R3HDM1: variants seen among roughly 807,000 people sequenced by gnomAD.
R3HDM1 encodes the protein R3H domain containing 1.
Under a neutral mutation model 141.1 loss-of-function variants are expected in R3HDM1, and 46 were observed. The observed-to-expected ratio is 0.33, with a 90% CI of 0.26 to 0.42. The LOEUF is 0.42. Among genes scored for constraint, R3HDM1 ranks in the 10% least tolerant of loss-of-function variants. The probability of loss-of-function intolerance (pLI) is 1.00; values close to 1 mark genes in which losing one functional copy is unlikely to be tolerated. For missense variants in R3HDM1, 1,184 were observed against 1,368.3 expected, an observed-to-expected ratio of 0.87 and a Z score of 2.12; for synonymous variants, 435 against 472.9, an observed-to-expected ratio of 0.92 and a Z score of 1.04.
intron 1 of R3HDM1, chr2:135,561,282 T>C (rs1476239208): frequency 1.0e-6 from 1 of 984,780 alleles, no homozygotes; most frequent in African/African-American, 1.7e-5. Flanking sequence ...CCTGATTACA[T>C]TTTATCTGTT....
intron 16 of R3HDM1, among the ~76,000 whole-genome samples, chr2:135,646,690 A>G (rs2064469927): frequency 6.6e-6 from 1 of 151,590 alleles, no homozygotes; most frequent in African/African-American, 2.4e-5. Flanking sequence ...CTCTACTAAA[A>G]ATACAAAAAT....
intron 19 of R3HDM1, among the ~76,000 whole-genome samples, chr2:135,665,899 C>T (rs546929563): frequency 6.6e-6 from 1 of 152,176 alleles, no homozygotes; most frequent in South Asian, 2.1e-4. Flanking sequence ...CGGTTCTTAC[C>T]AACGATATAA....
At chr2:135,619,808 A>C in intron 5 of R3HDM1, 1 of 745,004 alleles carries the variant, frequency 1.3e-6, no homozygotes, top group Non-Finnish European at 1.6e-6. Flanking sequence ...AGAGGCAATT[A>C]AGAGAGAGAT....
In R3HDM1 at chr2:135,696,902, C is replaced by T. The variant is rs75474723; in HGVS notation, c.2460-12531C>T. Among the ~76,000 whole-genome samples, 633 of 152,182 alleles carry T rather than the reference C, an allele frequency of 4.2e-3. 8 individuals carry two copies. Among genetic ancestry groups the T allele is most frequent in the African/African-American group, 0.014 (598 of 41,520 alleles). ...TAAGAATTTGTGAGGTTAAGATAGGCCACAGGGCATTTAATGGAGGAATAA... is the reference window on the plus strand; with the variant it reads ...TAAGAATTTGTGAGGTTAAGATAGGTCACAGGGCATTTAATGGAGGAATAA... On this transcript the variant is annotated intron_variant, in intron 21 of 26. Transcript: ENST00000683871.
chr2:135,686,287 A>T (rs2071331456), intron 21 of R3HDM1, among the ~76,000 whole-genome samples: 1 of 152,248 alleles, frequency 6.6e-6, no homozygotes, highest in African/African-American at 2.4e-5. Flanking sequence ...ATAAAAATAG[A>T]ACTATCATTT....
intron 1 of R3HDM1, among the ~76,000 whole-genome samples, chr2:135,595,782 GGAGATT>G (rs1280295080): frequency 1.3e-5 from 2 of 152,128 alleles, no homozygotes; most frequent in African/African-American, 4.8e-5. Context: ...TATCCAGTCT[GGAGATT>G]GAGTGAATGG....
chr2:135,560,220 G>A (rs866729949), intron 1 of R3HDM1, among the ~76,000 whole-genome samples: 1 of 152,148 alleles, frequency 6.6e-6, no homozygotes, highest in African/African-American at 2.4e-5. Flanking sequence ...AAAATTGAAG[G>A]CTGTGTAAAC....
At chr2:135,624,897 G>T (rs1239527496) in intron 7 of R3HDM1, among the ~76,000 whole-genome samples, 2 of 152,210 alleles carry the variant, frequency 1.3e-5, no homozygotes. Context: ...AGGCAATGGG[G>T]ACAGTAGAGT....
At chr2:135,570,890 A>G (rs1446224923) in intron 1 of R3HDM1, among the ~76,000 whole-genome samples, 1 of 152,232 alleles carries the variant, frequency 6.6e-6, no homozygotes, top group African/African-American at 2.4e-5. Flanking sequence ...GTGTCACAAA[A>G]GTATTTTCAA....
At chr2:135,680,389 C>A in intron 21 of R3HDM1, 65 bp downstream of exon 21, 2 of 1,565,478 alleles carry the variant, frequency 1.3e-6, no homozygotes, top group Non-Finnish European at 8.7e-7. Context: ...TGGTCTGTTG[C>A]TAGTTTTAAA....
At chr2:135,690,504 C>G in intron 21 of R3HDM1, among the ~76,000 whole-genome samples, 1 of 152,072 alleles carries the variant, frequency 6.6e-6, no homozygotes, top group East Asian at 1.9e-4. Flanking sequence ...TGTTTTTACA[C>G]CAATAAGAAT....
chr2:135,680,024 G>A (rs2069962734), intron 20 of R3HDM1, 149 bp from the exon 21 acceptor site: 6 of 764,502 alleles, frequency 7.8e-6, no homozygotes, highest in South Asian at 7.6e-5. Flanking sequence ...GGGTTGCAGT[G>A]AGCCAAGATT....
intron 6 of R3HDM1, chr2:135,622,044 C>A (rs989747166): frequency 1.0e-6 from 1 of 984,250 alleles, no homozygotes; most frequent in Non-Finnish European, 1.2e-6. Flanking sequence ...CCTAGCATTG[C>A]AGATCAATAG....
intron 1 of R3HDM1, among the ~76,000 whole-genome samples, chr2:135,587,456 C>A (rs532890466): frequency 6.6e-6 from 1 of 152,226 alleles, no homozygotes; most frequent in South Asian, 2.1e-4. Flanking sequence ...CACTAAATGG[C>A]CTTTTATCAA....
chr2:135,592,718 G>GT (rs924926280), intron 1 of R3HDM1, among the ~76,000 whole-genome samples: 34 of 146,960 alleles, frequency 2.3e-4, no homozygotes, highest in East Asian at 1.2e-3. Context: ...ACCAGTTTGG[G>GT]TTTTTTTTTT....
At chr2:135,557,945 C>A (rs1302273096) in intron 1 of R3HDM1, among the ~76,000 whole-genome samples, 1 of 152,156 alleles carries the variant, frequency 6.6e-6, no homozygotes, top group Non-Finnish European at 1.5e-5. Context: ...TCTTAGAATA[C>A]ATTAAAACTA....
intron 1 of R3HDM1, among the ~76,000 whole-genome samples, chr2:135,602,128 G>A (rs2059672941): frequency 6.6e-6 from 1 of 152,074 alleles, no homozygotes; most frequent in Admixed American, 6.5e-5. Context: ...CACAGCTCTA[G>A]AAGAGAACTC....
intron 21 of R3HDM1, among the ~76,000 whole-genome samples, chr2:135,694,838 T>C (rs1246150151): frequency 6.6e-6 from 1 of 152,134 alleles, no homozygotes; most frequent in Non-Finnish European, 1.5e-5. Context: ...CAAACACTAC[T>C]TGAGGCCAGG....
At chr2:135,722,272 C>T (rs2105471725) in intron 25 of R3HDM1, among the ~76,000 whole-genome samples, 197 bp from the exon 26 acceptor site, 1 of 152,306 alleles carries the variant, frequency 6.6e-6, no homozygotes, top group Middle Eastern at 3.4e-3. Context: ...TAATGAAGGA[C>T]CGTCAGCAAG....
Sources: gnomAD v4.1 joint callset for allele counts (sites outside exome capture counted in the v4.1 genomes callset) on GRCh38, gnomAD v4.1.1 for gene constraint, MANE v1.5 for transcripts, NCBI Gene and HGNC (gene_info 2026-07-23, HGNC 2026-07-21) for gene names.